The following BRDT variants were observed in gnomAD, a reference collection of about 807,000 sequenced individuals.
BRDT encodes the protein bromodomain testis associated.
A neutral mutation model predicts 113.9 loss-of-function variants in BRDT; 77 were observed. The ratio of observed to expected loss-of-function variants is 0.68; its 90% CI spans 0.56 to 0.82. The LOEUF (loss-of-function observed/expected upper bound fraction) is 0.82. Among genes scored for constraint, BRDT ranks in the 40% least tolerant of loss-of-function variants. BRDT has a pLI of 0.00. For synonymous variants in BRDT, 358 were observed against 366.5 expected (o/e 0.98, Z 0.26); for missense variants, 1,027 against 1,105.4 (o/e 0.93, Z 1.01).
intron 18 of BRDT, among the ~76,000 whole-genome samples, chr1:92,013,811 G>A (rs947341392): frequency 6.6e-5 from 10 of 152,138 alleles, no homozygotes; most frequent in Non-Finnish European, 1.0e-4. Flanking sequence ...AAAGATATTG[G>A]TTCATTCAGA....
chr1:92,014,149 T>C, intron 18 of BRDT, 57 bp from the exon 19 acceptor site: 1 of 1,110,090 alleles, frequency 9.0e-7, no homozygotes, highest in South Asian at 1.5e-5. Context: ...TATTGTATAG[T>C]TGTAGTAAAG....
At chr1:91,964,839 T>C in intron 3 of BRDT, 75 bp downstream of exon 3, 1 of 1,090,110 alleles carries the variant, frequency 9.2e-7, no homozygotes, top group Non-Finnish European at 1.2e-6. Flanking sequence ...AATCATGTGA[T>C]CATTTCAGAT....
intron 15 of BRDT, among the ~76,000 whole-genome samples, chr1:91,999,662 T>C (rs1339186024): frequency 1.3e-5 from 2 of 152,168 alleles, no homozygotes; most frequent in African/African-American, 4.8e-5. Flanking sequence ...CATACATTGA[T>C]CATTTTCTAT....
intron 4 of BRDT, among the ~76,000 whole-genome samples, chr1:91,973,157 T>G (rs1260070870): frequency 6.6e-6 from 1 of 152,164 alleles, no homozygotes; most frequent in African/African-American, 2.4e-5. Flanking sequence ...GCCAATAGGC[T>G]AGAGTGAGGT....
At chr1:91,995,543 C>T (rs1055628329) in intron 15 of BRDT, among the ~76,000 whole-genome samples, 6 of 151,940 alleles carry the variant, frequency 3.9e-5, no homozygotes, top group East Asian at 3.9e-4. Context: ...TTGCAACCTC[C>T]GCAATGATTC....
chr1:91,978,606 T>C (rs1684381559), intron 7 of BRDT, among the ~76,000 whole-genome samples: 1 of 152,052 alleles, frequency 6.6e-6, no homozygotes, highest in African/African-American at 2.4e-5. Context: ...TGTAGATAGA[T>C]GATATATAGG....
At position 91,964,767 on chromosome 1, in the gene BRDT, A is replaced by G; in HGVS notation, c.330+3A>G. On this transcript the variant is annotated splice_donor_region_variant and intron_variant, in intron 3 of 18. Transcript: ENST00000399546. Reference sequence around the variant, plus strand: ...CAAATTGTTATTTATATAACAAGGTATGTAAGCCTTATGTTATACTTGCTA... The same window carrying G: ...CAAATTGTTATTTATATAACAAGGTGTGTAAGCCTTATGTTATACTTGCTA... 1 of 1,457,090 alleles carries G rather than the reference A, an allele frequency of 6.9e-7. No individual in the cohort carries two copies. Among genetic ancestry groups the G allele is most frequent in the Non-Finnish European group, 9.3e-7 (1 of 1,079,754 alleles). 90.3% of individuals were successfully genotyped at this position (1,457,090 alleles called of 1,614,324 possible).
chr1:91,982,217 C>T (rs1156908629), intron 12 of BRDT, among the ~76,000 whole-genome samples: 1 of 152,136 alleles, frequency 6.6e-6, no homozygotes, highest in African/African-American at 2.4e-5. Context: ...CCAGTCATCC[C>T]AGAAGCTGTG....
chr1:91,999,545 C>T (rs1445992770), intron 15 of BRDT, among the ~76,000 whole-genome samples: 1 of 151,974 alleles, frequency 6.6e-6, no homozygotes, highest in Non-Finnish European at 1.5e-5. Flanking sequence ...TTTTCATCTA[C>T]CCCAGAATTT....
intron 8 of BRDT, 70 bp downstream of exon 8, chr1:91,979,827 A>G: frequency 6.9e-7 from 1 of 1,452,158 alleles, no homozygotes; most frequent in Non-Finnish European, 9.3e-7. Context: ...TTTTTTCTGC[A>G]GATTTAAAGC....
rs939261617 is a variant in BRDT, at chr1:91,980,953, C to T, written c.1525C>T (p.Pro509Ser). The change falls in exon 10 of 19, where the codon CCT becomes TCT. Residue 509 changes from proline (P) to serine (S), a missense_variant. Coordinates refer to ENST00000399546, the MANE Select transcript of BRDT (RefSeq NM_207189.4). ...ATCTGAAGATGAAGATAATGCTAAA[C>T]CTATGAACTATGATGAGAAAAGGCA... ...LKSEDEDNAK[P>S]MNYDEKRQLS... The T allele has an allele frequency of 6.2e-7, 1 of 1,613,832 alleles. No homozygotes were observed. Among genetic ancestry groups the T allele is most frequent in the Non-Finnish European group, 8.5e-7 (1 of 1,179,966 alleles).
At chr1:91,978,845 C>CA (rs1211974556) in intron 7 of BRDT, among the ~76,000 whole-genome samples, 3 of 151,516 alleles carry the variant, frequency 2.0e-5, no homozygotes, top group Middle Eastern at 3.4e-3. Flanking sequence ...CTAAAAAATA[C>CA]AAAAAAATTA....
At chr1:91,987,807 C>G (rs974333573) in intron 12 of BRDT, among the ~76,000 whole-genome samples, 6 of 152,000 alleles carry the variant, frequency 3.9e-5, no homozygotes, top group Non-Finnish European at 8.8e-5. Context: ...ACTCTTTAAT[C>G]AAATCTCTAT....
Position 91,962,760 on chromosome 1 carries a change from T to C in BRDT, c.6T>C (p.Ser2=), listed in dbSNP as rs754221182. ...AGGATTCAAAGCAGTTAAGAATGTC[T>C]CTGCCAAGTCGACAAACAGCTATTA... M[S]LPSRQTAIIV... is the part of the protein sequence containing the mutation. The change falls in exon 2 of 19, where the codon TCT becomes TCC. Residue 2 remains serine (S), a synonymous_variant. Coordinates refer to ENST00000399546, the MANE Select transcript of BRDT (RefSeq NM_207189.4). 1 of 1,585,464 alleles carries C rather than the reference T, an allele frequency of 6.3e-7. No homozygotes were observed.
At chr1:91,986,128 A>C (rs1426517374) in intron 12 of BRDT, among the ~76,000 whole-genome samples, 1 of 152,270 alleles carries the variant, frequency 6.6e-6, no homozygotes. Flanking sequence ...AATAAATGTC[A>C]GATCAAAGAT....
chr1:92,006,096 A>G (rs1157187622), intron 18 of BRDT, among the ~76,000 whole-genome samples: 1 of 152,186 alleles, frequency 6.6e-6, no homozygotes, highest in African/African-American at 2.4e-5. Flanking sequence ...GGTCGTACAC[A>G]TATCTGACTG....
Position 91,980,882 on chromosome 1 carries a change from G to A in BRDT, c.1461-7G>A, listed in dbSNP as rs964337010. 6.3e-7 allele frequency: 1 copy of A among 1,596,030 alleles called. No homozygotes were observed. Among genetic ancestry groups the A allele is most frequent in the Non-Finnish European group, 8.5e-7 (1 of 1,174,666 alleles). Reference sequence around the variant, plus strand: ...ATAAGTTGGACTAAATTTAGTTTTTGTTACAGTCAGCCAAAGAAAAGGAAA... The same window carrying A: ...ATAAGTTGGACTAAATTTAGTTTTTATTACAGTCAGCCAAAGAAAAGGAAA... On this transcript the variant is annotated splice_polypyrimidine_tract_variant and splice_region_variant and intron_variant, in intron 9 of 18. Transcript: ENST00000399546.
At chr1:91,988,458 T>TG (rs1239163622) in intron 12 of BRDT, among the ~76,000 whole-genome samples, 1 of 152,144 alleles carries the variant, frequency 6.6e-6, no homozygotes, top group Admixed American at 6.5e-5. Flanking sequence ...TGGAGTGCAG[T>TG]GGCACCATCT....
chr1:91,987,397 G>A (rs1208741284), intron 12 of BRDT, among the ~76,000 whole-genome samples: 2 of 151,690 alleles, frequency 1.3e-5, no homozygotes, highest in Non-Finnish European at 2.9e-5. Context: ...GCAGTGGTGC[G>A]ATCTCGGCTC....
Sources: gnomAD v4.1 joint callset for allele counts (sites outside exome capture counted in the v4.1 genomes callset) on GRCh38, gnomAD v4.1.1 for gene constraint, MANE v1.5 for transcripts, NCBI Gene and HGNC (gene_info 2026-07-23, HGNC 2026-07-21) for gene names.